The following FGF12 variants were observed in gnomAD, a reference collection of about 807,000 sequenced individuals.
The protein encoded by FGF12 is fibroblast growth factor 12B.
Under a neutral mutation model 23.6 loss-of-function variants are expected in FGF12, and 14 were observed. The ratio of observed to expected loss-of-function variants is 0.59; its 90% confidence interval spans 0.39 to 0.93. FGF12 has a LOEUF of 0.93. Ranked by LOEUF, FGF12 falls within the 40% of genes least tolerant of loss-of-function variation. The pLI is 0.00. For synonymous variants in FGF12, 62 were observed against 77.3 expected, an observed-to-expected ratio of 0.80 and a Z score of 1.04; for missense variants, 175 against 217.8, an observed-to-expected ratio of 0.80 and a Z score of 1.24.
At chr3:192,166,035 G>A (rs1715144100) in intron 5 of FGF12, among the ~76,000 whole-genome samples, 1 of 152,190 alleles carries the variant, frequency 6.6e-6, no homozygotes, top group African/African-American at 2.4e-5. Context: ...GAAGTAGTAA[G>A]ACTAGTAATA....
At chr3:192,705,537 C>A (rs1485064058) in intron 2 of FGF12, among the ~76,000 whole-genome samples, 1 of 152,222 alleles carries the variant, frequency 6.6e-6, no homozygotes, top group East Asian at 1.9e-4. Flanking sequence ...AGAACACATA[C>A]AACATTTATG....
intron 4 of FGF12, among the ~76,000 whole-genome samples, chr3:192,313,434 A>C (rs1716062147): frequency 6.6e-6 from 1 of 152,202 alleles, no homozygotes; most frequent in Non-Finnish European, 1.5e-5. Context: ...TTCCCTGAAG[A>C]GAAAACCTTT....
At chr3:192,165,877 C>T (rs1715136102) in intron 5 of FGF12, among the ~76,000 whole-genome samples, 1 of 152,072 alleles carries the variant, frequency 6.6e-6, no homozygotes, top group African/African-American at 2.4e-5. Context: ...TTTATCTAGC[C>T]CTGTGGTCTT....
At chr3:192,437,962 G>A (rs75160888) in intron 2 of FGF12, among the ~76,000 whole-genome samples, 1 of 151,958 alleles carries the variant, frequency 6.6e-6, no homozygotes, top group Non-Finnish European at 1.5e-5. Context: ...TTCTTCTTTG[G>A]CAGTCATATC....
chr3:192,576,773 A>C (rs575418170), intron 2 of FGF12, among the ~76,000 whole-genome samples: 1 of 152,210 alleles, frequency 6.6e-6, no homozygotes, highest in Non-Finnish European at 1.5e-5. Flanking sequence ...TTATTGCGGC[A>C]CTATTCACAA....
At chr3:192,540,176 C>T (rs1057007212) in intron 2 of FGF12, among the ~76,000 whole-genome samples, 6 of 151,868 alleles carry the variant, frequency 4.0e-5, no homozygotes, top group Admixed American at 6.6e-5. Context: ...TTTTTCTCTA[C>T]TAATTTCGGG....
intron 4 of FGF12, among the ~76,000 whole-genome samples, chr3:192,171,614 T>C (rs919494503): frequency 6.6e-6 from 1 of 152,172 alleles, no homozygotes; most frequent in African/African-American, 2.4e-5. Context: ...CCTTCTGAGA[T>C]CAGCAGAAGA....
At chr3:192,671,502 C>A (rs560470079) in intron 2 of FGF12, among the ~76,000 whole-genome samples, 1 of 152,116 alleles carries the variant, frequency 6.6e-6, no homozygotes, top group Admixed American at 6.6e-5. Flanking sequence ...GTTAACCCAA[C>A]GTTTGGTAGA....
chr3:192,444,170 C>T (rs1419363124), intron 2 of FGF12, among the ~76,000 whole-genome samples: 1 of 152,208 alleles, frequency 6.6e-6, no homozygotes, highest in Non-Finnish European at 1.5e-5. Flanking sequence ...AGCCCTAAAA[C>T]CAACGCCCAG....
intron 4 of FGF12, among the ~76,000 whole-genome samples, chr3:192,196,265 GAA>G (rs1326295568): frequency 6.7e-6 from 1 of 150,074 alleles, no homozygotes; most frequent in Non-Finnish European, 1.5e-5. Flanking sequence ...ATGGACGGAT[GAA>G]AAAAGAGTCC....
intron 2 of FGF12, among the ~76,000 whole-genome samples, chr3:192,515,995 C>T (rs187260416): frequency 1.3e-5 from 2 of 152,252 alleles, no homozygotes; most frequent in Non-Finnish European, 2.9e-5. Context: ...ATTAAGAGCA[C>T]AGACACTAGA....
chr3:192,296,062 C>CTTTTT (rs34021285), intron 4 of FGF12, among the ~76,000 whole-genome samples: 219 of 78,092 alleles, frequency 2.8e-3, no homozygotes, highest in Non-Finnish European at 3.8e-3. Context: ...GTTTTTCTTT[C>CTTTTT]TTTTTTTTTT....
At chr3:192,370,719 G>A (rs1331067920) in intron 2 of FGF12, among the ~76,000 whole-genome samples, 1 of 152,136 alleles carries the variant, frequency 6.6e-6, no homozygotes, top group Non-Finnish European at 1.5e-5. Flanking sequence ...AGCCAGTTAG[G>A]GAGCTATTCC....
chr3:192,266,742 G>A (rs1033298266), intron 4 of FGF12, among the ~76,000 whole-genome samples: 2 of 151,390 alleles, frequency 1.3e-5, no homozygotes, highest in African/African-American at 2.4e-5. Context: ...TTACTAACCC[G>A]AATGGCTTTA....
At position 192,567,770 on chromosome 3, in the gene FGF12, TTTCTTTCTTTCTTTCTTTCTTTC is replaced by T. The variant is rs777828675; in HGVS notation, c.13+159388_13+159410del. Among the ~76,000 whole-genome samples, 250 of 134,888 alleles carry T rather than the reference TTTCTTTCTTTCTTTCTTTCTTTC, an allele frequency of 1.9e-3. 2 individuals carry two copies. The highest frequency in any genetic ancestry group is 4.1e-3 in the Middle Eastern group (1 of 244). 88.5% of individuals were successfully genotyped at this position (134,888 alleles called of 152,430 possible). On this transcript the variant is annotated intron_variant, in intron 2 of 5. Transcript: ENST00000445105. ...CTTTCTTTCTTTCTTTCTTTCTTTC[TTTCTTTCTTTCTTTCTTTCTTTC>T]TTTCTTTCTCTTTCTTTCTTTCTCT...
At chr3:192,568,253 A>G (rs1033429659) in intron 2 of FGF12, among the ~76,000 whole-genome samples, 7 of 152,216 alleles carry the variant, frequency 4.6e-5, no homozygotes, top group African/African-American at 1.4e-4. Flanking sequence ...AAGATCACAT[A>G]TACAGTTACC....
At chr3:192,207,130 G>A (rs1165233819) in intron 4 of FGF12, among the ~76,000 whole-genome samples, 1 of 152,096 alleles carries the variant, frequency 6.6e-6, no homozygotes, top group Admixed American at 6.6e-5. Flanking sequence ...AAGCCCCTTA[G>A]CATTTGAATA....
intron 4 of FGF12, among the ~76,000 whole-genome samples, chr3:192,246,496 T>A (rs1465971396): frequency 6.6e-6 from 1 of 152,130 alleles, no homozygotes; most frequent in Non-Finnish European, 1.5e-5. Flanking sequence ...AGGTAGGACC[T>A]GGTTCTAATT....
chr3:192,674,101 C>T (rs2108698359), intron 2 of FGF12, among the ~76,000 whole-genome samples: 1 of 151,096 alleles, frequency 6.6e-6, no homozygotes, highest in African/African-American at 2.4e-5. Flanking sequence ...AATTTACATT[C>T]ATACTCAGGA....
Sources: allele counts gnomAD v4.1 joint callset (sites outside exome capture counted in the v4.1 genomes callset), GRCh38; gene constraint gnomAD v4.1.1; transcripts MANE v1.5; gene names NCBI Gene and HGNC (gene_info 2026-07-23, HGNC 2026-07-21).